PPEF1: variants seen among roughly 807,000 people sequenced by gnomAD.
The protein encoded by PPEF1 is serine/threonine-protein phosphatase with EF-hands 1.
In PPEF1, 12 loss-of-function variants were observed where a neutral mutation model predicts 53.3. That is an observed-to-expected ratio of 0.23 (90% CI 0.14 to 0.36). The LOEUF (loss-of-function observed/expected upper bound fraction) is 0.36, where lower values mean the gene tolerates loss of function less well. Ranked by LOEUF, PPEF1 falls within the 10% of genes least tolerant of loss-of-function variation. PPEF1 has a pLI of 1.00. For missense variants in PPEF1, 334 were observed against 490.4 expected, an observed-to-expected ratio of 0.68 and a Z score of 3.01; for synonymous variants, 165 against 176.7, an observed-to-expected ratio of 0.93 and a Z score of 0.52.
intron 7 of PPEF1, among the ~76,000 whole-genome samples, chrX:18,781,331 C>T (rs911849761): frequency 9.1e-6 from 1 of 109,943 alleles, no homozygotes; most frequent in African/African-American, 3.3e-5. Flanking sequence ...ACTGAAAGCC[C>T]GGGCAGGGAT....
intron 9 of PPEF1, among the ~76,000 whole-genome samples, chrX:18,788,315 A>AC (rs1332417492): frequency 4.1e-4 from 29 of 71,424 alleles, no homozygotes; most frequent in Admixed American, 7.4e-4. Flanking sequence ...AAAAAAAAAA[A>AC]AAAAAAAAAA....
upstream of PPEF1, among the ~76,000 whole-genome samples, chrX:18,678,023 G>C (rs1381590014): frequency 9.2e-6 from 1 of 108,839 alleles, no homozygotes; most frequent in Non-Finnish European, 1.9e-5. Context: ...CAGCTACTCT[G>C]GGGGAGTGAG....
At chrX:18,813,379 A>C (rs1049692538) in intron 12 of PPEF1, among the ~76,000 whole-genome samples, 3 of 86,607 alleles carry the variant, frequency 3.5e-5, no homozygotes, top group African/African-American at 5.3e-5. Flanking sequence ...ACTCCGTCTC[A>C]AAAAAAAAAA....
chrX:18,719,137 A>C (rs1477721071), intron 1 of PPEF1, among the ~76,000 whole-genome samples: 2 of 112,057 alleles, frequency 1.8e-5, no homozygotes, highest in Non-Finnish European at 3.8e-5. Flanking sequence ...ACTTAAGAAT[A>C]CAATAGTTTT....
chrX:18,743,745 G>A (rs1260112153), intron 3 of PPEF1, among the ~76,000 whole-genome samples: 4 of 109,911 alleles, frequency 3.6e-5, no homozygotes, highest in Non-Finnish European at 7.6e-5. Flanking sequence ...CACCGCTCCC[G>A]ACCAAGTTGC....
At position 18,789,308 on chromosome X, in the gene PPEF1, A is replaced by G. The variant is rs375033887; in HGVS notation, c.1065+35A>G. 52 of 1,170,426 alleles carry G rather than the reference A, an allele frequency of 4.4e-5. No homozygotes were observed. The Middle Eastern group carries it at 1.6e-3, about 37-fold the overall frequency. ...CAGGGTGTTCACTGCAGTGGCAACA[A>G]TGACACTAGCGTGCATGTTGTCCCT... On this transcript the variant is annotated intron_variant, in intron 10 of 15. Coordinates refer to ENST00000470157, the MANE Select transcript of PPEF1 (RefSeq NM_001377996.1).
At chrX:18,704,379 A>G (rs2044153528), upstream of PPEF1, among the ~76,000 whole-genome samples, 1 of 111,360 alleles carries the variant, frequency 9.0e-6, no homozygotes, top group South Asian at 3.8e-4. Context: ...TGCACTTTAA[A>G]TGTGTATTCC....
chrX:18,702,913 T>C (rs1280785827), upstream of PPEF1, among the ~76,000 whole-genome samples: 1 of 111,342 alleles, frequency 9.0e-6, no homozygotes, highest in African/African-American at 3.3e-5. Flanking sequence ...TAGGACATTC[T>C]TGGGCGTTTG....
intron 3 of PPEF1, among the ~76,000 whole-genome samples, chrX:18,741,267 C>A (rs1412464639): frequency 9.0e-6 from 1 of 111,590 alleles, no homozygotes; most frequent in Non-Finnish European, 1.9e-5. Flanking sequence ...AATGAAACAG[C>A]ACTTTCTGCT....
At chrX:18,691,839 A>G (rs1929405926) in intron 4 of PPEF1, among the ~76,000 whole-genome samples, 1 of 112,073 alleles carries the variant, frequency 8.9e-6, no homozygotes, top group Non-Finnish European at 1.9e-5. Context: ...GGCAAAGGTA[A>G]ATTGCTTCCA....
chrX:18,760,562 C>T (rs886265750), intron 5 of PPEF1, among the ~76,000 whole-genome samples: 4 of 110,885 alleles, frequency 3.6e-5, no homozygotes, highest in African/African-American at 1.3e-4. Flanking sequence ...CTAGGGATTA[C>T]AGTGTGGGTG....
intron 3 of PPEF1, among the ~76,000 whole-genome samples, chrX:18,737,843 C>T (rs1237798786): frequency 9.0e-6 from 1 of 111,676 alleles, no homozygotes; most frequent in African/African-American, 3.3e-5. Flanking sequence ...ATAGTTAGCT[C>T]TTCTTATTGA....
At chrX:18,694,848 G>A (rs1187750446) in intron 4 of PPEF1, among the ~76,000 whole-genome samples, 1 of 111,755 alleles carries the variant, frequency 8.9e-6, no homozygotes, top group Non-Finnish European at 1.9e-5. Flanking sequence ...GGGAACAAAA[G>A]GTAAACTCAC....
upstream of PPEF1, among the ~76,000 whole-genome samples, chrX:18,680,427 C>CCCT (rs2147220538): frequency 1.8e-5 from 1 of 55,819 alleles, no homozygotes; most frequent in African/African-American, 9.4e-5. Context: ...TAAATTTCTT[C>CCCT]TCTTTTTTTT....
At chrX:18,719,405 G>A (rs1486561171) in intron 1 of PPEF1, among the ~76,000 whole-genome samples, 1 of 105,588 alleles carries the variant, frequency 9.5e-6, no homozygotes, top group African/African-American at 3.5e-5. Context: ...GGAGTGCAGT[G>A]GCGCCATCAA....
At chrX:18,739,946 A>G (rs1357334183) in intron 3 of PPEF1, among the ~76,000 whole-genome samples, 1 of 112,615 alleles carries the variant, frequency 8.9e-6, no homozygotes, top group Non-Finnish European at 1.9e-5. Context: ...GGTGTGGGAT[A>G]TAATCTCCTA....
chrX:18,816,084 G>C (rs1043702428), intron 12 of PPEF1, among the ~76,000 whole-genome samples: 5 of 109,706 alleles, frequency 4.6e-5, no homozygotes, highest in Admixed American at 2.9e-4. Context: ...ATCTTTTAAA[G>C]TGGAAGATTA....
chrX:18,746,380 C>T (rs919679624), intron 3 of PPEF1, among the ~76,000 whole-genome samples: 2 of 111,965 alleles, frequency 1.8e-5, no homozygotes, highest in Admixed American at 9.5e-5. Context: ...TATGATTTGA[C>T]GTTGACTAAT....
At chrX:18,783,529 C>T (rs1319041400) in intron 8 of PPEF1, among the ~76,000 whole-genome samples, 1 of 110,635 alleles carries the variant, frequency 9.0e-6, no homozygotes, top group Admixed American at 9.6e-5. Context: ...ACCAGCCTGG[C>T]CAACATGGAG....
Sources: gnomAD v4.1 joint callset for allele counts (sites outside exome capture counted in the v4.1 genomes callset) on GRCh38, gnomAD v4.1.1 for gene constraint, MANE v1.5 for transcripts, NCBI Gene and HGNC (gene_info 2026-07-23, HGNC 2026-07-21) for gene names.